The following ZNF385D variants were observed in gnomAD, a reference collection of about 807,000 sequenced individuals.
ZNF385D encodes zinc finger protein 385D.
In ZNF385D, 15 loss-of-function variants were observed where a neutral mutation model predicts 35.8. That is an observed-to-expected ratio of 0.42 (90% CI 0.28 to 0.64). The LOEUF is 0.64. Ranked by LOEUF, ZNF385D falls within the 30% of genes least tolerant of loss-of-function variation. ZNF385D has a pLI of 0.23. For missense variants in ZNF385D, 474 were observed against 494.6 expected, an observed-to-expected ratio of 0.96 and a Z score of 0.39; for synonymous variants, 212 against 186.8, an observed-to-expected ratio of 1.13 and a Z score of -1.10.
chr3:21,865,631 C>G (rs919556932), intron 3 of ZNF385D, among the ~76,000 whole-genome samples: 1 of 152,052 alleles, frequency 6.6e-6, no homozygotes, highest in African/African-American at 2.4e-5. Context: ...GAGCAGAGAG[C>G]TGAACACTGC....
intron 2 of ZNF385D, among the ~76,000 whole-genome samples, chr3:21,617,647 C>T (rs7630990): frequency 0.017 from 2,635 of 152,224 alleles, 79 homozygotes; most frequent in African/African-American, 0.059. Flanking sequence ...GATTGAAACG[C>T]GGATTCAGTT....
At chr3:21,463,100 A>G (rs1447541426) in intron 4 of ZNF385D, among the ~76,000 whole-genome samples, 4 of 152,220 alleles carry the variant, frequency 2.6e-5, no homozygotes, top group African/African-American at 4.8e-5. Flanking sequence ...TTTTTAAAGT[A>G]GGTTAAGGTA....
chr3:21,975,800 A>G (rs1190317974), intron 3 of ZNF385D, among the ~76,000 whole-genome samples: 2 of 147,672 alleles, frequency 1.4e-5, no homozygotes, highest in African/African-American at 5.1e-5. Flanking sequence ...CTATGTAACT[A>G]CTATGTACCC....
At chr3:22,238,262 G>T (rs1441716748) in intron 2 of ZNF385D, among the ~76,000 whole-genome samples, 2 of 150,866 alleles carry the variant, frequency 1.3e-5, no homozygotes, top group African/African-American at 4.9e-5. Flanking sequence ...TGCTTTTTTG[G>T]TTTTTCTTTT....
chr3:22,259,480 A>G (rs968664628), intron 2 of ZNF385D, among the ~76,000 whole-genome samples: 2 of 151,990 alleles, frequency 1.3e-5, no homozygotes, highest in African/African-American at 4.8e-5. Flanking sequence ...GATAAAATGC[A>G]AGTAGTTTAG....
intron 2 of ZNF385D, among the ~76,000 whole-genome samples, chr3:22,234,357 A>G (rs1384761715): frequency 6.6e-6 from 1 of 152,124 alleles, no homozygotes; most frequent in African/African-American, 2.4e-5. Flanking sequence ...GTGCTTTTTG[A>G]AGACACTTCC....
At chr3:21,509,903 G>T (rs547778597) in intron 4 of ZNF385D, among the ~76,000 whole-genome samples, 1 of 152,268 alleles carries the variant, frequency 6.6e-6, no homozygotes, top group East Asian at 1.9e-4. Flanking sequence ...GTGTAATAAG[G>T]ATGTTACATT....
chr3:22,259,973 T>G (rs549793703), intron 2 of ZNF385D, among the ~76,000 whole-genome samples: 161 of 152,070 alleles, frequency 1.1e-3, no homozygotes, highest in Non-Finnish European at 1.9e-3. Context: ...AAAGGATTGT[T>G]AGGACACGAA....
chr3:22,366,517 CT>C (rs1696663782), intron 2 of ZNF385D, among the ~76,000 whole-genome samples: 2 of 152,050 alleles, frequency 1.3e-5, no homozygotes, highest in Admixed American at 6.6e-5. Context: ...AAATAATGTA[CT>C]TTAAAAATAA....
chr3:22,123,293 A>C (rs1319831604), intron 3 of ZNF385D, among the ~76,000 whole-genome samples: 2 of 152,154 alleles, frequency 1.3e-5, no homozygotes, highest in African/African-American at 4.8e-5. Context: ...GTTTTACACA[A>C]GTTATATTTG....
At chr3:21,760,246 C>T (rs1191146607) in intron 3 of ZNF385D, among the ~76,000 whole-genome samples, 1 of 152,142 alleles carries the variant, frequency 6.6e-6, no homozygotes, top group Admixed American at 6.5e-5. Context: ...CAGTATTCGC[C>T]ACCACGAATA....
intron 3 of ZNF385D, among the ~76,000 whole-genome samples, chr3:21,899,062 G>A (rs28369422): frequency 0.01 from 1,539 of 152,144 alleles, 26 homozygotes; most frequent in African/African-American, 0.034. Flanking sequence ...TCAGGAGAAC[G>A]GGATGTTTAT....
chr3:22,058,540 G>C (rs1003420577), intron 3 of ZNF385D, among the ~76,000 whole-genome samples: 21 of 152,200 alleles, frequency 1.4e-4, no homozygotes, highest in African/African-American at 4.8e-4. Context: ...AAGGACATGA[G>C]AGGCAGATGA....
chr3:21,961,928 G>A (rs1016912778), intron 3 of ZNF385D, among the ~76,000 whole-genome samples: 6 of 152,082 alleles, frequency 3.9e-5, no homozygotes, highest in African/African-American at 1.4e-4. Flanking sequence ...AAAGAATTAA[G>A]GAGAAAAGTC....
At chr3:21,836,445 G>C (rs537069581) in intron 3 of ZNF385D, among the ~76,000 whole-genome samples, 1 of 152,220 alleles carries the variant, frequency 6.6e-6, no homozygotes, top group South Asian at 2.1e-4. Context: ...GAGACAGTCA[G>C]CTGGGTGTGT....
chr3:21,996,861 A>C (rs892730657), intron 3 of ZNF385D, among the ~76,000 whole-genome samples: 1 of 152,098 alleles, frequency 6.6e-6, no homozygotes, highest in African/African-American at 2.4e-5. Context: ...AGAAGCGATT[A>C]ATTTATTGCT....
At chr3:22,094,767 C>T (rs957610208) in intron 3 of ZNF385D, among the ~76,000 whole-genome samples, 88 of 152,164 alleles carry the variant, frequency 5.8e-4, no homozygotes, top group African/African-American at 2.1e-3. Context: ...GTGTCAAATG[C>T]TGTCACAGAT....
intron 3 of ZNF385D, among the ~76,000 whole-genome samples, chr3:21,869,090 A>T (rs1267494627): frequency 1.3e-5 from 2 of 152,090 alleles, no homozygotes; most frequent in Non-Finnish European, 2.9e-5. Context: ...CTTCTACAAA[A>T]GTTGTATGCT....
chr3:21,639,287 T>A (rs2125853966), intron 2 of ZNF385D, among the ~76,000 whole-genome samples: 1 of 152,116 alleles, frequency 6.6e-6, no homozygotes, highest in South Asian at 2.1e-4. Context: ...CTCCCTCCAC[T>A]AAAATGCAGG....
Sources: gnomAD v4.1 joint callset for allele counts (sites outside exome capture counted in the v4.1 genomes callset) on GRCh38, gnomAD v4.1.1 for gene constraint, MANE v1.5 for transcripts, NCBI Gene and HGNC (gene_info 2026-07-23, HGNC 2026-07-21) for gene names.